PPP5C: variants seen among roughly 807,000 people sequenced by gnomAD.
PPP5C encodes serine/threonine-protein phosphatase 5.
In PPP5C, 21 loss-of-function variants were observed where a neutral mutation model predicts 66.7. That is an observed-to-expected ratio of 0.31 (90% CI 0.22 to 0.45). PPP5C has a LOEUF of 0.45. Among genes scored for constraint, PPP5C ranks in the 20% least tolerant of loss-of-function variants. The pLI is 1.00. For synonymous variants in PPP5C, 246 were observed against 257.4 expected (o/e 0.96, Z 0.43); for missense variants, 464 against 675.9 (o/e 0.69, Z 3.48).
chr19:46,361,129 ATTT>A (rs59090221), intron 2 of PPP5C, among the ~76,000 whole-genome samples: 1 of 140,222 alleles, frequency 7.1e-6, no homozygotes. Flanking sequence ...GTGAAAGAAA[ATTT>A]TTTTTTTTTT....
chr19:46,389,440 CACACACACACACACACACA>C (rs1972967304), intron 11 of PPP5C, among the ~76,000 whole-genome samples: 2 of 81,538 alleles, frequency 2.5e-5, no homozygotes, highest in African/African-American at 9.5e-5. Flanking sequence ...CACACACACA[CACACACACACACACACACA>C]CAGTGTTGAT....
Position 46,390,082 on chromosome 19 carries a change from C to G in PPP5C, c.1387C>G (p.His463Asp). The G allele has an allele frequency of 6.2e-7, 1 of 1,614,206 alleles. No individual in the cohort carries two copies. Among genetic ancestry groups the G allele is most frequent in the Non-Finnish European group, 8.5e-7 (1 of 1,180,024 alleles). ...GATGGGGAACAAAGCCTCCTACATC[C>G]ACCTCCAGGGCTCTGACCTACGGCC... ...DQMGNKASYI[H>D]LQGSDLRPQF... The change falls in exon 12 of 13, where the codon CAC (histidine) becomes GAC (aspartate). Residue 463 changes from histidine (H) to aspartate (D), a missense_variant. His to Asp is a moderately conservative substitution (Grantham distance 81, BLOSUM62 -1). Coordinates refer to ENST00000012443, the MANE Select transcript of PPP5C (RefSeq NM_006247.4).
At chr19:46,381,324 C>A (rs1186588769) in intron 4 of PPP5C, among the ~76,000 whole-genome samples, 1 of 152,152 alleles carries the variant, frequency 6.6e-6, no homozygotes, top group Non-Finnish European at 1.5e-5. Context: ...CTGATAGTTC[C>A]ATCATCTGGT....
intron 1 of PPP5C, among the ~76,000 whole-genome samples, chr19:46,351,699 G>T (rs1972188210): frequency 6.6e-6 from 1 of 152,262 alleles, no homozygotes; most frequent in African/African-American, 2.4e-5. Context: ...TCCAGGGAGG[G>T]TCGGTCAGAT....
chr19:46,370,713 T>G (rs895669487), intron 2 of PPP5C, among the ~76,000 whole-genome samples: 1 of 151,950 alleles, frequency 6.6e-6, no homozygotes, highest in Non-Finnish European at 1.5e-5. Context: ...TGACTAAACA[T>G]CATTATACAG....
chr19:46,351,567 C>G (rs1042360020), intron 1 of PPP5C, among the ~76,000 whole-genome samples: 1 of 152,236 alleles, frequency 6.6e-6, no homozygotes, highest in Non-Finnish European at 1.5e-5. Flanking sequence ...GTGGCAGGCC[C>G]TGAGACTCCA....
chr19:46,377,740 A>G (rs1357761484), intron 4 of PPP5C, among the ~76,000 whole-genome samples: 3 of 152,202 alleles, frequency 2.0e-5, no homozygotes, highest in African/African-American at 7.2e-5. Context: ...TTTCATTTCA[A>G]TGTCATATGG....
At chr19:46,356,852 CAG>C (rs772382017) in intron 2 of PPP5C, among the ~76,000 whole-genome samples, 12 of 152,244 alleles carry the variant, frequency 7.9e-5, no homozygotes, top group East Asian at 7.7e-4. Flanking sequence ...GGGCTGCAGG[CAG>C]AGAGTCTGCG....
intron 1 of PPP5C, among the ~76,000 whole-genome samples, chr19:46,347,575 G>A (rs1555791705): frequency 6.6e-6 from 1 of 151,500 alleles, no homozygotes; most frequent in Non-Finnish European, 1.5e-5. Flanking sequence ...ACCAAATGGG[G>A]AGTCCTGGGG....
chr19:46,364,159 GA>G (rs1221805025), intron 2 of PPP5C, among the ~76,000 whole-genome samples: 2 of 152,204 alleles, frequency 1.3e-5, no homozygotes, highest in African/African-American at 4.8e-5. Flanking sequence ...AGCAGTTTGA[GA>G]AGAGAGGAAA....
chr19:46,363,509 A>T (rs969888142), intron 2 of PPP5C, among the ~76,000 whole-genome samples: 3 of 151,480 alleles, frequency 2.0e-5, no homozygotes, highest in Non-Finnish European at 2.9e-5. Flanking sequence ...GGCTCACTGC[A>T]ATCTCTGCCT....
chr19:46,353,549 G>C (rs970526396), intron 1 of PPP5C, among the ~76,000 whole-genome samples, 199 bp from the exon 2 acceptor site: 13 of 152,118 alleles, frequency 8.5e-5, no homozygotes, highest in African/African-American at 3.1e-4. Context: ...GTGGAGTCCT[G>C]GAGACTGTGG....
intron 2 of PPP5C, among the ~76,000 whole-genome samples, chr19:46,358,798 G>A (rs531274904): frequency 6.6e-6 from 1 of 152,284 alleles, no homozygotes; most frequent in South Asian, 2.1e-4. Context: ...AATTGGCTCT[G>A]CGTTATTAAA....
At chr19:46,389,519 C>T (rs1972971820) in intron 11 of PPP5C, among the ~76,000 whole-genome samples, 2 of 151,320 alleles carry the variant, frequency 1.3e-5, no homozygotes, top group Admixed American at 6.6e-5. Context: ...CTGGTCTCTC[C>T]TAAGTGTCTT....
chr19:46,361,421 G>A (rs908042195), intron 2 of PPP5C, among the ~76,000 whole-genome samples: 14 of 146,172 alleles, frequency 9.6e-5, no homozygotes, highest in African/African-American at 2.2e-4. Flanking sequence ...GAGCCACTGC[G>A]CCTGGCTGAA....
Position 46,376,394 on chromosome 19 carries a change from C to T in PPP5C, c.512-59C>T, listed in dbSNP as rs899697373. 2 of 1,593,520 alleles carry T rather than the reference C, an allele frequency of 1.3e-6. No homozygotes were observed. The highest frequency in any genetic ancestry group is 1.7e-6 in the Non-Finnish European group (2 of 1,166,926). On this transcript the variant is annotated intron_variant, in intron 3 of 12. Coordinates refer to ENST00000012443, the MANE Select transcript of PPP5C (RefSeq NM_006247.4). The surrounding 1 kb of genome is among the most constrained non-coding windows in gnomAD (Gnocchi z 5.1). ...TTCCCCATCCCTGGGAGCGAGACCC[C>T]CTTCTCCCTCATAGTGGCTGTGGTC...
Position 46,390,551 on chromosome 19 carries a change from G to A in PPP5C, c.*205G>A, listed in dbSNP as rs1015683495. ...CCAGAGGGTCTGCTCCCTGGACAGA[G>A]AGGAAGGAGGTGGAGCAGCTGGGGC... On this transcript the variant is annotated 3_prime_UTR_variant, in exon 13 of 13. Transcript: ENST00000012443. The A allele has an allele frequency of 5.7e-6, 8 of 1,414,786 alleles. No individual in the cohort carries two copies. The South Asian group carries it at 9.0e-5, about 16-fold the overall frequency. 87.6% of individuals were successfully genotyped at this position (1,414,786 alleles called of 1,614,324 possible).
At chr19:46,384,745 A>C in intron 6 of PPP5C, 59 bp from the exon 7 acceptor site, 8 of 1,233,822 alleles carry the variant, frequency 6.5e-6, no homozygotes, top group Non-Finnish European at 9.5e-6. Flanking sequence ...CACCACCCCC[A>C]ACCCCACCGC....
At chr19:46,351,345 C>G (rs553413122) in intron 1 of PPP5C, among the ~76,000 whole-genome samples, 10 of 152,146 alleles carry the variant, frequency 6.6e-5, no homozygotes, top group East Asian at 3.9e-4. Flanking sequence ...TGGGTCGACC[C>G]GTGGAGTACA....
Sources: allele counts gnomAD v4.1 joint callset (sites outside exome capture counted in the v4.1 genomes callset), GRCh38; gene constraint gnomAD v4.1.1; non-coding constraint Gnocchi (gnomAD v3.1); transcripts MANE v1.5; gene names NCBI Gene and HGNC (gene_info 2026-07-23, HGNC 2026-07-21).